Variants in BEND3 observed in about 807,000 individuals in gnomAD.
BEND3 encodes the protein BEN domain containing 3, also known as BEN domain-containing protein 3.
In BEND3, 13 loss-of-function variants were observed where a neutral mutation model predicts 60.1. The observed-to-expected ratio is 0.22, with a 90% CI of 0.14 to 0.34. The LOEUF is 0.34. Ranked by LOEUF, BEND3 falls within the 10% of genes least tolerant of loss-of-function variation. The pLI is 1.00. For missense variants in BEND3, 896 were observed against 1,138.1 expected (o/e 0.79, Z 3.06); for synonymous variants, 497 against 491.5 (o/e 1.01, Z -0.15).
chr6:107,090,724 G>A (rs1775457985), intron 3 of BEND3, among the ~76,000 whole-genome samples: 1 of 151,896 alleles, frequency 6.6e-6, no homozygotes, highest in African/African-American at 2.4e-5. Context: ...CATATGCTTG[G>A]ACTAGTTGTA....
intron 3 of BEND3, among the ~76,000 whole-genome samples, chr6:107,098,268 C>A (rs1303987883): frequency 6.6e-6 from 1 of 152,246 alleles, no homozygotes; most frequent in Non-Finnish European, 1.5e-5. Context: ...TCCTCACTAT[C>A]AGCAAGCTCC....
chr6:107,069,028 C>T lies in BEND3; in HGVS notation c.2163G>A (p.Leu721=), dbSNP rs1774894373. 8.7e-6 allele frequency: 14 copies of T among 1,613,744 alleles called. No homozygotes were observed. Among genetic ancestry groups the T allele is most frequent in the African/African-American group, 1.3e-5 (1 of 75,040 alleles). Residue 721 remains leucine (L), a synonymous_variant, in exon 4 of 4, where the codon CTG becomes CTA. Transcript: ENST00000369042. ...CGATCTCACGCACCTCCTTGTCAGA[C>T]AGCAGGTAGGGAGAAGGCACCGGGA... ...PDFPVPSPYL[L]SDKEVREIVQ... is the part of the protein sequence containing the mutation.
chr6:107,072,393 C>T (rs1324836780), intron 3 of BEND3, among the ~76,000 whole-genome samples: 1 of 152,224 alleles, frequency 6.6e-6, no homozygotes, highest in Non-Finnish European at 1.5e-5. Context: ...TGTCTATCCT[C>T]TCTGAGTAGC....
intron 3 of BEND3, among the ~76,000 whole-genome samples, chr6:107,089,864 G>C (rs1775438692): frequency 6.6e-6 from 1 of 151,276 alleles, no homozygotes; most frequent in South Asian, 2.1e-4. Flanking sequence ...CAAAGTGCTG[G>C]GATTACAGGC....
chr6:107,070,893 C>T lies in BEND3; in HGVS notation c.298G>A (p.Glu100Lys), dbSNP rs1774965301. The stretch of plus-strand genomic sequence containing the variant: ...AGGCTCCTGCCCCTGCCGGCCTGCT[C>T]ACCATTGCCTTGGCAGGGCGAGCTG... ...ENSSPCQGNGEQAGRGRSLGN... is the reference protein window; with the variant it reads ...ENSSPCQGNGKQAGRGRSLGN... The change falls in exon 4 of 4, where the codon GAG (glutamate) becomes AAG (lysine). Residue 100 changes from glutamate to lysine, a missense_variant. By Grantham distance (56) the Glu-to-Lys change is moderately conservative. Transcript: ENST00000369042. This position sits in a 1 kb window ranked among gnomAD's most constrained non-coding sequence, Gnocchi z 6.9. 1 of 1,613,810 alleles carries T rather than the reference C, an allele frequency of 6.2e-7. No homozygotes were observed. Among genetic ancestry groups the T allele is most frequent in the South Asian group, 1.1e-5 (1 of 91,082 alleles).
In BEND3 at chr6:107,099,915, G is replaced by A. The variant is rs141074896; in HGVS notation, c.-11-619C>T. 2.8e-3 allele frequency among the ~76,000 whole-genome samples: 428 copies of A among 151,670 alleles called. 2 individuals carry two copies. The highest frequency in any genetic ancestry group is 0.021 in the Middle Eastern group (6 of 292). On this transcript the variant is annotated intron_variant, in intron 1 of 3. Transcript: ENST00000369042. ...GAAAGGTCTCACTCTTTTCACCCTG[G>A]CTGGAGTACAGTAGCACTATCATGG...
intron 3 of BEND3, among the ~76,000 whole-genome samples, chr6:107,079,040 G>A (rs1775167009): frequency 6.6e-6 from 1 of 152,108 alleles, no homozygotes; most frequent in African/African-American, 2.4e-5. Context: ...CACACAAGCA[G>A]CTGGATGTCC....
At chr6:107,095,468 G>A (rs898146311) in intron 3 of BEND3, among the ~76,000 whole-genome samples, 1 of 152,170 alleles carries the variant, frequency 6.6e-6, no homozygotes, top group Non-Finnish European at 1.5e-5. Flanking sequence ...TAGTGGGACT[G>A]TAAAATGGTC....
chr6:107,084,998 T>C (rs13205697), intron 3 of BEND3, among the ~76,000 whole-genome samples: 10,890 of 152,264 alleles, frequency 0.072, 516 homozygotes, highest in South Asian at 0.13. Context: ...TGCTCCTCAC[T>C]CTTTGGGTCT....
chr6:107,068,516 C>A lies in BEND3; in HGVS notation c.*188G>T, dbSNP rs1187928263. The stretch of plus-strand genomic sequence containing the variant: ...GGACAGAAGTTGTAAGTACAAGAGA[C>A]CAAACTCAAGGCTTCTTTCTTGCGG... On this transcript the variant is annotated 3_prime_UTR_variant, in exon 4 of 4. Coordinates refer to ENST00000369042, the MANE Select transcript of BEND3 (RefSeq NM_001367314.1). The surrounding 1 kb of genome is among the most constrained non-coding windows in gnomAD (Gnocchi z 5.8). 3 of 669,940 alleles carry A rather than the reference C, an allele frequency of 4.5e-6. No homozygotes were observed. Among genetic ancestry groups the A allele is most frequent in the African/African-American group, 3.6e-5 (2 of 55,004 alleles). 41.5% of individuals were successfully genotyped at this position (669,940 alleles called of 1,614,324 possible). A position where few individuals can be genotyped will look rare whatever the true frequency, so the allele number is the denominator to read the frequency against.
intron 3 of BEND3, among the ~76,000 whole-genome samples, chr6:107,080,413 A>G (rs1405496450): frequency 1.3e-5 from 2 of 151,732 alleles, no homozygotes; most frequent in East Asian, 3.9e-4. Flanking sequence ...AAAAGAAAAG[A>G]AAAAGAAGAA....
rs782129728 is a variant in BEND3 at position 107,069,979 on chromosome 6, G to A, written c.1212C>T (p.Ala404=). 6.2e-7 allele frequency: 1 copy of A among 1,613,844 alleles called. No homozygotes were observed. Among genetic ancestry groups the A allele is most frequent in the South Asian group, 1.1e-5 (1 of 91,082 alleles). The part of the protein sequence containing the change: ...TQDLTEFLDE[A]SSPGEFAVFL... ...AGACGGCAAACTCGCCTGGTGAGGA[G>A]GCTTCGTCCAGGAACTCAGTGAGGT... The change falls in exon 4 of 4, where the codon GCC becomes GCT. Residue 404 remains alanine, a synonymous_variant. Coordinates refer to ENST00000369042, the MANE Select transcript of BEND3 (RefSeq NM_001367314.1).
chr6:107,112,378 T>C (rs1373950706), intron 1 of BEND3, among the ~76,000 whole-genome samples: 6 of 152,158 alleles, frequency 3.9e-5, no homozygotes, highest in Non-Finnish European at 8.8e-5. Flanking sequence ...AGGGAGAGGA[T>C]GTAAAGAAAA....
At chr6:107,079,929 C>T (rs1297711847) in intron 3 of BEND3, among the ~76,000 whole-genome samples, 1 of 151,354 alleles carries the variant, frequency 6.6e-6, no homozygotes, top group Non-Finnish European at 1.5e-5. Flanking sequence ...CAGGGTCTCA[C>T]TATGTTGCCC....
intron 3 of BEND3, among the ~76,000 whole-genome samples, chr6:107,093,001 C>T (rs1263296170): frequency 6.6e-6 from 1 of 152,150 alleles, no homozygotes; most frequent in East Asian, 1.9e-4. Flanking sequence ...AATGGAGAGA[C>T]ATTCCATGCT....
chr6:107,065,787 T>C lies in BEND3; in HGVS notation c.*2917A>G, dbSNP rs1358623048. The C allele has an allele frequency of 1.3e-5, 2 of 152,318 alleles. No homozygotes were observed. The highest frequency in any genetic ancestry group is 3.9e-4 in the East Asian group (2 of 5,180). The allele number at this position is 152,318 out of a possible 1,614,324, so 9.4% of individuals were successfully genotyped here. A position where few individuals can be genotyped will look rare whatever the true frequency, so the allele number is the denominator to read the frequency against. On this transcript the variant is annotated 3_prime_UTR_variant, in exon 4 of 4. Coordinates refer to ENST00000369042, the MANE Select transcript of BEND3 (RefSeq NM_001367314.1). ...GGTTGGTTGATGATTGCTGCTGATG[T>C]GGTTCCCCACTCCCCACAAACATAA...
At chr6:107,075,769 G>A (rs565491024) in intron 3 of BEND3, among the ~76,000 whole-genome samples, 5 of 152,254 alleles carry the variant, frequency 3.3e-5, no homozygotes, top group Non-Finnish European at 7.4e-5. Flanking sequence ...TGTTCTAGAG[G>A]GAGACTTGCC....
At chr6:107,114,148 A>C (rs1270258896) in intron 1 of BEND3, 1 of 152,284 alleles carries the variant, frequency 6.6e-6, no homozygotes, top group Non-Finnish European at 1.5e-5. Context: ...GACGTAGGTA[A>C]ACAAGCACAC....
Position 107,068,942 on chromosome 6 carries a change from T to G in BEND3, c.2249A>C (p.Glu750Ala). 1 of 1,613,714 alleles carries G rather than the reference T, an allele frequency of 6.2e-7. No individual in the cohort carries two copies. The highest frequency in any genetic ancestry group is 8.5e-7 in the Non-Finnish European group (1 of 1,179,980). ...CCGGAGGTTCTCGGCGGTGAAGAGTTCGGGAAACAGGCGGACGAGGAGCCG... is the reference window on the plus strand; with the variant it reads ...CCGGAGGTTCTCGGCGGTGAAGAGTGCGGGAAACAGGCGGACGAGGAGCCG... ...AARLLVRLFP[E>A]LFTAENLRLQ... The change falls in exon 4 of 4, where the codon GAA becomes GCA. Residue 750 changes from glutamate to alanine, a missense_variant. Glu to Ala is a moderately radical substitution (Grantham distance 107). Coordinates refer to ENST00000369042, the MANE Select transcript of BEND3 (RefSeq NM_001367314.1). The surrounding 1 kb of genome is among the most constrained non-coding windows in gnomAD (Gnocchi z 5.8).
Sources: gnomAD v4.1 joint callset for allele counts (sites outside exome capture counted in the v4.1 genomes callset) on GRCh38, gnomAD v4.1.1 for gene constraint, Gnocchi (gnomAD v3.1) non-coding constraint, MANE v1.5 for transcripts, NCBI Gene and HGNC (gene_info 2026-07-23, HGNC 2026-07-21) for gene names.